Variants in CETP observed in about 807,000 individuals in gnomAD.
The protein encoded by CETP is BPI fold containing family F.
A neutral mutation model predicts 66.5 loss-of-function variants in CETP; 56 were observed. The ratio of observed to expected loss-of-function variants is 0.84; its 90% confidence interval spans 0.68 to 1.05. The LOEUF (loss-of-function observed/expected upper bound fraction) is 1.05, where lower values mean the gene tolerates loss of function less well. Ranked by LOEUF, CETP falls within the 50% of genes least tolerant of loss-of-function variation. The pLI is 0.00. For synonymous variants in CETP, 251 were observed against 245.7 expected, an observed-to-expected ratio of 1.02 and a Z score of -0.20; for missense variants, 612 against 609.6, an observed-to-expected ratio of 1.00 and a Z score of -0.04.
In CETP at chr16:56,962,837, T is replaced by C. The variant is rs551586339; in HGVS notation, c.119-173T>C. On this transcript the variant is annotated intron_variant, in intron 1 of 15. Coordinates refer to ENST00000200676, the MANE Select transcript of CETP (RefSeq NM_000078.3). The stretch of plus-strand genomic sequence containing the variant: ...CAGGGTCAGAGCTCTCTGTGTCCCC[T>C]AGAATTGCCATCAACCTTAAACCCA... Among the ~76,000 whole-genome samples, 7 of 152,196 alleles carry C rather than the reference T, an allele frequency of 4.6e-5. No homozygotes were observed. The East Asian group carries it at 7.7e-4, about 17-fold the overall frequency.
At position 56,973,482 on chromosome 16, in the gene CETP, T is replaced by G; in HGVS notation, c.902T>G (p.Met301Arg). 1 of 1,614,176 alleles carries G rather than the reference T, an allele frequency of 6.2e-7. No homozygotes were observed. Among genetic ancestry groups the G allele is most frequent in the Non-Finnish European group, 8.5e-7 (1 of 1,180,032 alleles). Residue 301 changes from methionine to arginine, a missense_variant, in exon 9 of 16, where the codon ATG (methionine) becomes AGG (arginine). By Grantham distance (91) the Met-to-Arg change is moderately conservative. Transcript: ENST00000200676. ...AKVAFQDGRL[M>R]LSLMGDEFKA... The stretch of plus-strand genomic sequence containing the variant: ...GTAGCTTTCCAGGATGGCCGCCTCA[T>G]GCTCAGCCTGATGGGAGACGAGTTC...
intron 9 of CETP, among the ~76,000 whole-genome samples, chr16:56,974,690 A>G (rs530288258): frequency 3.3e-5 from 5 of 152,252 alleles, no homozygotes; most frequent in African/African-American, 4.8e-5. Context: ...AAACAAAAAA[A>G]CCACAAAGCT....
intron 8 of CETP, 73 bp from the exon 9 acceptor site, chr16:56,973,258 C>G: frequency 6.6e-7 from 1 of 1,513,910 alleles, no homozygotes; most frequent in Admixed American, 1.7e-5. Flanking sequence ...GGGGCTCCTC[C>G]CAATCTCCCT....
At chr16:56,962,410 T>A (rs759348464) in intron 1 of CETP, 2 of 617,200 alleles carry the variant, frequency 3.2e-6, no homozygotes, top group South Asian at 2.8e-5. Context: ...GGTTAGGGGG[T>A]TGAGTCAGGG....
chr16:56,969,628 C>T lies in CETP; in HGVS notation c.386C>T (p.Ser129Phe), dbSNP rs1226709577. 2 of 1,614,148 alleles carry T rather than the reference C, an allele frequency of 1.2e-6. No individual in the cohort carries two copies. Among genetic ancestry groups the T allele is most frequent in the African/African-American group, 1.3e-5 (1 of 75,022 alleles). ...TTAWWLGIDQ[S>F]IDFEIDSAID... ...CTTTCCAGGCTGGGTATTGATCAGT[C>T]CATTGACTTCGAGATCGACTCTGCC... Residue 129 changes from serine (S) to phenylalanine (F), a missense_variant, in exon 4 of 16, where the codon TCC becomes TTC. Transcript: ENST00000200676.
intron 2 of CETP, among the ~76,000 whole-genome samples, chr16:56,967,793 C>G (rs2056078625): frequency 6.6e-6 from 1 of 151,916 alleles, no homozygotes. Context: ...GAGACCCCCC[C>G]AATCTGCACA....
chr16:56,971,909 G>T lies in CETP; in HGVS notation c.659-83G>T, dbSNP rs1415091478. On this transcript the variant is annotated intron_variant, in intron 7 of 15. Transcript: ENST00000200676. ...GGGGAACACTGAGGCTGGAGGGTTG[G>T]GTAGCTGTGTGGATGCAGGGGAGCG... The T allele has an allele frequency of 6.7e-6, 8 of 1,196,572 alleles. No individual in the cohort carries two copies. In the African/African-American group the frequency reaches 9.0e-5, roughly 13 times the overall value. 74.1% of individuals were successfully genotyped at this position (1,196,572 alleles called of 1,614,324 possible). A position where few individuals can be genotyped will look rare whatever the true frequency, so the allele number is the denominator to read the frequency against.
chr16:56,973,183 C>T, intron 8 of CETP, 148 bp from the exon 9 acceptor site: 1 of 801,042 alleles, frequency 1.2e-6, no homozygotes, highest in Non-Finnish European at 2.0e-6. Context: ...AGTGAAAGCC[C>T]CGCTGGGGGA....
intron 2 of CETP, among the ~76,000 whole-genome samples, chr16:56,967,856 A>T (rs1336921657): frequency 3.3e-5 from 5 of 151,946 alleles, no homozygotes; most frequent in Admixed American, 3.3e-4. Context: ...GGTCCCAGCT[A>T]TTCCAGAGGC....
intron 2 of CETP, among the ~76,000 whole-genome samples, chr16:56,965,328 T>C (rs919338674): frequency 2.6e-5 from 4 of 152,224 alleles, no homozygotes; most frequent in Admixed American, 1.3e-4. Context: ...TCATGATTAA[T>C]GTTAGATGAA....
At chr16:56,983,553 G>A (rs1267460938) in intron 15 of CETP, 39 bp from the exon 16 acceptor site, 1 of 1,611,214 alleles carries the variant, frequency 6.2e-7, no homozygotes, top group Non-Finnish European at 8.5e-7. Flanking sequence ...CTGGGAGTCA[G>A]CCCAGCTCGC....
intron 7 of CETP, 84 bp from the exon 8 acceptor site, chr16:56,971,908 G>A: frequency 8.5e-7 from 1 of 1,169,908 alleles, no homozygotes; most frequent in South Asian, 1.2e-5. Flanking sequence ...CTGGAGGGTT[G>A]GGTAGCTGTG....
At chr16:56,981,340 G>A (rs1234176436) in intron 12 of CETP, 115 bp downstream of exon 12, 1 of 897,094 alleles carries the variant, frequency 1.1e-6, no homozygotes, top group Non-Finnish European at 1.9e-6. Flanking sequence ...TTCTTCTGGG[G>A]CATATGGGCT....
intron 11 of CETP, 33 bp downstream of exon 11, chr16:56,978,288 G>A: frequency 6.2e-7 from 1 of 1,613,648 alleles, no homozygotes; most frequent in Non-Finnish European, 8.5e-7. Flanking sequence ...TGGTGGTGGG[G>A]GAACCTGACT....
intron 1 of CETP, 141 bp downstream of exon 1, chr16:56,962,238 G>T: frequency 1.3e-6 from 1 of 787,744 alleles, no homozygotes; most frequent in East Asian, 2.4e-5. Flanking sequence ...GGAGGGAGAT[G>T]GGCTGAGTGG....
At chr16:56,973,583 G>A in intron 9 of CETP, 73 bp downstream of exon 9, 1 of 1,544,132 alleles carries the variant, frequency 6.5e-7, no homozygotes. Flanking sequence ...CACGCATGGG[G>A]AGGAGGGAGG....
intron 7 of CETP, 21 bp downstream of exon 7, chr16:56,971,402 A>C: frequency 6.2e-7 from 1 of 1,610,578 alleles, no homozygotes; most frequent in Non-Finnish European, 8.5e-7. Context: ...TTCTGTCTGC[A>C]TGCCTCAGAA....
At chr16:56,981,367 G>A in intron 12 of CETP, 142 bp downstream of exon 12, 1 of 810,620 alleles carries the variant, frequency 1.2e-6, no homozygotes, top group Non-Finnish European at 2.1e-6. Flanking sequence ...AGGGAGATAA[G>A]ACCCTGCCTA....
chr16:56,981,463 C>T (rs1295201456), intron 12 of CETP, among the ~76,000 whole-genome samples, 184 bp from the exon 13 acceptor site: 1 of 152,130 alleles, frequency 6.6e-6, no homozygotes, highest in African/African-American at 2.4e-5. Context: ...GAGCGCTGCC[C>T]GAGCAAAGGC....
Sources: allele counts gnomAD v4.1 joint callset (sites outside exome capture counted in the v4.1 genomes callset), GRCh38; gene constraint gnomAD v4.1.1; transcripts MANE v1.5; gene names NCBI Gene and HGNC (gene_info 2026-07-23, HGNC 2026-07-21).